Variants in NELL1 observed in about 807,000 individuals in gnomAD.
The protein encoded by NELL1 is neural EGFL like 1.
NELL1 carries 76 observed loss-of-function variants against 107.4 expected under a neutral mutation model. The observed-to-expected ratio is 0.71, with a 90% CI of 0.59 to 0.86. The LOEUF (loss-of-function observed/expected upper bound fraction) is 0.86, where lower values mean the gene tolerates loss of function less well. Among genes scored for constraint, NELL1 ranks in the 40% least tolerant of loss-of-function variants. The pLI is 0.00. For missense variants in NELL1, 1,024 were observed against 1,005.5 expected (o/e 1.02, Z -0.25); for synonymous variants, 353 against 341.2 (o/e 1.03, Z -0.38).
chr11:21,227,280 A>G (rs1180890512), intron 13 of NELL1, among the ~76,000 whole-genome samples: 1 of 152,118 alleles, frequency 6.6e-6, no homozygotes, highest in South Asian at 2.1e-4. Flanking sequence ...TGCCTGGGTC[A>G]TTCTGAGTTA....
At chr11:21,276,544 C>A (rs1848866317) in intron 14 of NELL1, among the ~76,000 whole-genome samples, 1 of 152,236 alleles carries the variant, frequency 6.6e-6, no homozygotes, top group African/African-American at 2.4e-5. Flanking sequence ...TTGGAAAAAA[C>A]TACTTTAAAG....
chr11:20,882,397 G>A (rs747546025), intron 4 of NELL1, among the ~76,000 whole-genome samples: 1 of 152,112 alleles, frequency 6.6e-6, no homozygotes, highest in African/African-American at 2.4e-5. Context: ...GACCTTGTTG[G>A]TTTTTTCTCT....
chr11:21,383,538 A>T (rs968303994), intron 15 of NELL1, among the ~76,000 whole-genome samples: 12 of 151,886 alleles, frequency 7.9e-5, no homozygotes, highest in Admixed American at 6.6e-4. Flanking sequence ...ACTTCTCCTT[A>T]AAGAAATCTT....
At chr11:20,724,298 C>T (rs1276004607) in intron 2 of NELL1, among the ~76,000 whole-genome samples, 1 of 152,210 alleles carries the variant, frequency 6.6e-6, no homozygotes, top group East Asian at 1.9e-4. Flanking sequence ...TCTTTTCTAC[C>T]ACATGGTCAG....
intron 15 of NELL1, among the ~76,000 whole-genome samples, chr11:21,477,586 G>A (rs1487857760): frequency 6.6e-6 from 1 of 151,932 alleles, no homozygotes; most frequent in Admixed American, 6.6e-5. Flanking sequence ...AGGAAGGATG[G>A]GTACAAATAA....
At chr11:20,912,745 T>G (rs1012559025) in intron 5 of NELL1, among the ~76,000 whole-genome samples, 1 of 152,140 alleles carries the variant, frequency 6.6e-6, no homozygotes, top group African/African-American at 2.4e-5. Flanking sequence ...TGATTACAAC[T>G]TTTTAAAAAT....
At chr11:21,305,864 C>T (rs191214961) in intron 14 of NELL1, among the ~76,000 whole-genome samples, 46 of 152,030 alleles carry the variant, frequency 3.0e-4, no homozygotes, top group Non-Finnish European at 2.4e-4. Context: ...TTCAAATTTT[C>T]ATAATCATAA....
chr11:20,905,002 A>ATT (rs201231648), intron 5 of NELL1, among the ~76,000 whole-genome samples: 24 of 129,624 alleles, frequency 1.9e-4, no homozygotes, highest in East Asian at 8.8e-4. Flanking sequence ...CTAATTTTTA[A>ATT]TTTTTTTTTT....
At chr11:21,562,803 A>T (rs1564962482) in intron 17 of NELL1, among the ~76,000 whole-genome samples, 2 of 151,796 alleles carry the variant, frequency 1.3e-5, no homozygotes, top group Admixed American at 6.6e-5. Flanking sequence ...AACCAACAAA[A>T]GGTCAAGACT....
chr11:21,086,322 T>G (rs1430504306), intron 12 of NELL1, among the ~76,000 whole-genome samples: 2 of 152,122 alleles, frequency 1.3e-5, no homozygotes, highest in African/African-American at 4.8e-5. Context: ...TTAAACAAAG[T>G]TTTTACTTTC....
At position 21,214,093 on chromosome 11, in the gene NELL1, G is replaced by A. The variant is rs1434627711; in HGVS notation, c.1427-15239G>A. ...ATATCCAATAAAGGCCTTATACAGG[G>A]TGAGTATCTTTTATCTGAAATTTCT... On this transcript the variant is annotated intron_variant, in intron 13 of 19. Coordinates refer to ENST00000357134, the MANE Select transcript of NELL1 (RefSeq NM_006157.5). 2.0e-5 allele frequency among the ~76,000 whole-genome samples: 3 copies of A among 152,202 alleles called. No homozygotes were observed. In the East Asian group the frequency reaches 5.8e-4, roughly 29 times the overall value.
intron 15 of NELL1, among the ~76,000 whole-genome samples, chr11:21,523,752 T>C (rs116190640): frequency 0.016 from 2,415 of 152,216 alleles, 59 homozygotes; most frequent in African/African-American, 0.054. Context: ...TTTTCTTCCT[T>C]CTACCATGGC....
At chr11:20,948,073 C>T (rs975900685) in intron 11 of NELL1, among the ~76,000 whole-genome samples, 5 of 152,070 alleles carry the variant, frequency 3.3e-5, no homozygotes, top group Admixed American at 1.3e-4. Context: ...GTTAGAGTCT[C>T]GCTCTGTCAC....
intron 14 of NELL1, among the ~76,000 whole-genome samples, chr11:21,257,725 C>T (rs1858805299): frequency 6.6e-6 from 1 of 151,914 alleles, no homozygotes; most frequent in Non-Finnish European, 1.5e-5. Flanking sequence ...AGCAATAGTA[C>T]AGTGAGAATA....
chr11:21,375,825 T>C (rs1203062767), intron 15 of NELL1, among the ~76,000 whole-genome samples: 1 of 152,162 alleles, frequency 6.6e-6, no homozygotes, highest in Non-Finnish European at 1.5e-5. Context: ...TTATTTTATA[T>C]ATTTGTTGGC....
intron 15 of NELL1, among the ~76,000 whole-genome samples, chr11:21,486,331 A>G (rs1336166109): frequency 6.6e-6 from 1 of 152,168 alleles, no homozygotes; most frequent in Non-Finnish European, 1.5e-5. Context: ...ACTAGTAACC[A>G]TACCCTAAGC....
intron 14 of NELL1, among the ~76,000 whole-genome samples, chr11:21,237,021 A>G (rs554603701): frequency 6.9e-4 from 105 of 152,224 alleles, no homozygotes; most frequent in African/African-American, 2.3e-3. Context: ...CTTTACTGAT[A>G]TATTGGCCAA....
intron 15 of NELL1, among the ~76,000 whole-genome samples, chr11:21,400,763 A>G (rs1852079323): frequency 6.6e-6 from 1 of 151,948 alleles, no homozygotes; most frequent in African/African-American, 2.4e-5. Context: ...GGCATAATTC[A>G]TCCTATATGA....
chr11:21,396,541 T>A (rs1005554531), intron 15 of NELL1, among the ~76,000 whole-genome samples: 11 of 151,622 alleles, frequency 7.3e-5, no homozygotes, highest in African/African-American at 2.4e-4. Flanking sequence ...GTCACGTCAA[T>A]GGTTTCTGAG....
Sources: gnomAD v4.1 joint callset for allele counts (sites outside exome capture counted in the v4.1 genomes callset) on GRCh38, gnomAD v4.1.1 for gene constraint, MANE v1.5 for transcripts, NCBI Gene and HGNC (gene_info 2026-07-23, HGNC 2026-07-21) for gene names.